Variants in MCTP1 observed in about 807,000 individuals in gnomAD.
The protein encoded by MCTP1 is multiple C2 and transmembrane domain-containing protein 1.
MCTP1 carries 69 observed loss-of-function variants against 120.6 expected under a neutral mutation model. That is an observed-to-expected ratio of 0.57 (90% CI 0.47 to 0.70). The LOEUF (loss-of-function observed/expected upper bound fraction) is 0.70, where lower values mean the gene tolerates loss of function less well. MCTP1 is among the 30% of genes least tolerant of loss of function. The probability of loss-of-function intolerance (pLI) is 0.00; values close to 1 mark genes in which losing one functional copy is unlikely to be tolerated. For synonymous variants in MCTP1, 529 were observed against 493.1 expected, an observed-to-expected ratio of 1.07 and a Z score of -0.96; for missense variants, 1,203 against 1,248.8, an observed-to-expected ratio of 0.96 and a Z score of 0.55.
intron 18 of MCTP1, 35 bp downstream of exon 18, chr5:94,798,978 C>T: frequency 6.3e-7 from 1 of 1,592,608 alleles, no homozygotes; most frequent in Non-Finnish European, 8.5e-7. Flanking sequence ...AGAATAAGAA[C>T]AAAAACACAT....
At chr5:94,914,027 A>G (rs1240209219) in intron 8 of MCTP1, among the ~76,000 whole-genome samples, 2 of 152,176 alleles carry the variant, frequency 1.3e-5, no homozygotes, top group African/African-American at 4.8e-5. Flanking sequence ...GGCATAAGCC[A>G]CCACACCTGG....
chr5:95,232,712 C>T (rs1755102037), intron 1 of MCTP1, among the ~76,000 whole-genome samples: 1 of 151,584 alleles, frequency 6.6e-6, no homozygotes, highest in African/African-American at 2.4e-5. Context: ...GCCACCTCAG[C>T]CTCCCAAGAA....
chr5:95,246,643 A>T (rs996164536), intron 1 of MCTP1, among the ~76,000 whole-genome samples: 3 of 152,224 alleles, frequency 2.0e-5, no homozygotes, highest in Non-Finnish European at 2.9e-5. Flanking sequence ...CCAATACAGG[A>T]GCACCCAGAT....
intron 1 of MCTP1, among the ~76,000 whole-genome samples, chr5:95,113,255 G>C (rs1159514): frequency 6.6e-6 from 1 of 151,832 alleles, no homozygotes; most frequent in African/African-American, 2.4e-5. Context: ...TCGTCCACCC[G>C]CCCAGGAAGA....
chr5:95,024,828 TATC>T (rs1838927199), intron 1 of MCTP1, among the ~76,000 whole-genome samples: 1 of 151,966 alleles, frequency 6.6e-6, no homozygotes, highest in Non-Finnish European at 1.5e-5. Flanking sequence ...CTATTTACAA[TATC>T]ATAAAAAATA....
At chr5:95,145,271 T>C (rs1760287209) in intron 1 of MCTP1, among the ~76,000 whole-genome samples, 1 of 152,170 alleles carries the variant, frequency 6.6e-6, no homozygotes, top group Non-Finnish European at 1.5e-5. Flanking sequence ...ACTGAAGTCA[T>C]TTATCAGCTC....
chr5:94,749,646 C>G (rs539938211), intron 19 of MCTP1, among the ~76,000 whole-genome samples: 43 of 80,468 alleles, frequency 5.3e-4, no homozygotes, highest in African/African-American at 2.2e-3. Flanking sequence ...CAGAGCAAGA[C>G]TTCATCTCAA....
intron 1 of MCTP1, among the ~76,000 whole-genome samples, chr5:95,159,260 A>T (rs979056628): frequency 1.3e-5 from 2 of 152,150 alleles, no homozygotes; most frequent in Admixed American, 6.5e-5. Context: ...TTCAAATCCT[A>T]ATTACCCAAA....
chr5:94,919,199 T>C (rs1411133594), intron 7 of MCTP1, among the ~76,000 whole-genome samples: 1 of 152,218 alleles, frequency 6.6e-6, no homozygotes, highest in Non-Finnish European at 1.5e-5. Flanking sequence ...CTTTACTCTA[T>C]AATAAATTAT....
intron 1 of MCTP1, among the ~76,000 whole-genome samples, chr5:95,100,700 C>A (rs1423219809): frequency 6.6e-6 from 1 of 152,182 alleles, no homozygotes; most frequent in African/African-American, 2.4e-5. Context: ...GAGGCCACAG[C>A]ACCTAGCACC....
At position 94,873,249 on chromosome 5, in the gene MCTP1, A is replaced by G. The variant is rs541039772; in HGVS notation, c.1934-8T>C. On this transcript the variant is annotated splice_region_variant and splice_polypyrimidine_tract_variant and intron_variant, in intron 12 of 22. Transcript: ENST00000515393. ...AAAATGGGTCACTTTTTCCTACAAG[A>G]GATTTTTGGTAAATATTTTTAGTGT... 1.8e-5 allele frequency: 27 copies of G among 1,532,052 alleles called. No homozygotes were observed. The highest frequency in any genetic ancestry group is 9.5e-5 in the African/African-American group (7 of 73,342). 94.9% of individuals were successfully genotyped at this position (1,532,052 alleles called of 1,614,324 possible).
At chr5:94,991,929 T>G (rs551850773) in intron 2 of MCTP1, among the ~76,000 whole-genome samples, 1 of 152,010 alleles carries the variant, frequency 6.6e-6, no homozygotes, top group African/African-American at 2.4e-5. Flanking sequence ...AATGAATGTA[T>G]GGGAAATATC....
chr5:94,894,866 G>GGTT (rs750754985), intron 10 of MCTP1, 31 bp from the exon 11 acceptor site: 1 of 1,162,860 alleles, frequency 8.6e-7, no homozygotes. Flanking sequence ...TCAGCAAGTG[G>GGTT]CTTTTTTTTT....
Position 95,235,310 on chromosome 5 carries a change from C to T in MCTP1, c.720+48546G>A, listed in dbSNP as rs116801978. Among the ~76,000 whole-genome samples, 1,078 of 151,688 alleles carry T rather than the reference C, an allele frequency of 7.1e-3. 14 individuals are homozygous for T. Among genetic ancestry groups the T allele is most frequent in the African/African-American group, 0.023 (970 of 41,476 alleles). ...TCACCAAACAAATAATAAAAAGAAACTCCCTCAATTTAATAAAAGACATTA... is the reference window on the plus strand; with the variant it reads ...TCACCAAACAAATAATAAAAAGAAATTCCCTCAATTTAATAAAAGACATTA... On this transcript the variant is annotated intron_variant, in intron 1 of 22. Coordinates refer to ENST00000515393, the MANE Select transcript of MCTP1 (RefSeq NM_024717.7).
intron 8 of MCTP1, among the ~76,000 whole-genome samples, chr5:94,913,691 T>C (rs1198100612): frequency 6.6e-6 from 1 of 152,092 alleles, no homozygotes; most frequent in Non-Finnish European, 1.5e-5. Context: ...TTTTCTTTAA[T>C]GACTTTTATT....
At chr5:95,159,177 C>T (rs1745454590) in intron 1 of MCTP1, among the ~76,000 whole-genome samples, 1 of 152,152 alleles carries the variant, frequency 6.6e-6, no homozygotes, top group Non-Finnish European at 1.5e-5. Context: ...ACTGTGTCTA[C>T]TAACTTAGTA....
intron 1 of MCTP1, among the ~76,000 whole-genome samples, chr5:95,265,151 T>A (rs905810308): frequency 2.0e-5 from 3 of 152,160 alleles, no homozygotes; most frequent in Non-Finnish European, 4.4e-5. Context: ...ACTGTGTGCC[T>A]TTTTAGCTCC....
chr5:95,053,390 T>C (rs185124574), intron 1 of MCTP1, among the ~76,000 whole-genome samples: 4 of 152,186 alleles, frequency 2.6e-5, no homozygotes, highest in African/African-American at 7.2e-5. Context: ...ACACAGGCCA[T>C]GAGCTTCGGG....
chr5:94,764,468 CA>C (rs1772085474), intron 19 of MCTP1, among the ~76,000 whole-genome samples: 1 of 152,026 alleles, frequency 6.6e-6, no homozygotes, highest in African/African-American at 2.4e-5. Flanking sequence ...AATGAAAAAA[CA>C]ATAGTACCAC....
Sources: allele counts gnomAD v4.1 joint callset (sites outside exome capture counted in the v4.1 genomes callset), GRCh38; gene constraint gnomAD v4.1.1; transcripts MANE v1.5; gene names NCBI Gene and HGNC (gene_info 2026-07-23, HGNC 2026-07-21).